The following AP3S1 variants were observed in gnomAD, a reference collection of about 807,000 sequenced individuals.
The protein encoded by AP3S1 is AP-3 complex subunit sigma-1.
Under a neutral mutation model 21.3 loss-of-function variants are expected in AP3S1, and 12 were observed. That is an observed-to-expected ratio of 0.56 (90% CI 0.36 to 0.91). The LOEUF is 0.91. Among genes scored for constraint, AP3S1 ranks in the 40% least tolerant of loss-of-function variants. AP3S1 has a pLI of 0.01. For missense variants in AP3S1, 116 were observed against 225.0 expected (o/e 0.52, Z 3.10); for synonymous variants, 48 against 78.4 (o/e 0.61, Z 2.05).
At chr5:115,873,410 C>T (rs950652335) in intron 3 of AP3S1, among the ~76,000 whole-genome samples, 8 of 152,094 alleles carry the variant, frequency 5.3e-5, no homozygotes, top group Non-Finnish European at 7.4e-5. Flanking sequence ...TGTCATTTTC[C>T]GATTACTAAA....
intron 1 of AP3S1, among the ~76,000 whole-genome samples, chr5:115,847,119 G>T (rs1024084615): frequency 6.6e-6 from 1 of 152,062 alleles, no homozygotes; most frequent in African/African-American, 2.4e-5. Context: ...TGCAGTCCTG[G>T]ACTGTGTCTT....
intron 3 of AP3S1, among the ~76,000 whole-genome samples, chr5:115,879,922 G>T (rs1749122002): frequency 6.6e-6 from 1 of 152,094 alleles, no homozygotes. Context: ...CTTCTTCCTG[G>T]TTTAAGTCTT....
intron 3 of AP3S1, among the ~76,000 whole-genome samples, chr5:115,891,024 A>G (rs1561513472): frequency 6.6e-6 from 1 of 152,192 alleles, no homozygotes; most frequent in Non-Finnish European, 1.5e-5. Context: ...TCCTCATAAC[A>G]GGAGTCTGTT....
intron 3 of AP3S1, among the ~76,000 whole-genome samples, chr5:115,885,802 T>C (rs886998876): frequency 6.6e-6 from 1 of 152,254 alleles, no homozygotes; most frequent in African/African-American, 2.4e-5. Context: ...TCATTTGATT[T>C]AGGTGGATGA....
intron 5 of AP3S1, 114 bp downstream of exon 5, chr5:115,903,106 T>G: frequency 2.7e-6 from 2 of 750,380 alleles, no homozygotes; most frequent in African/African-American, 1.8e-5. Context: ...TCAGCCGTTA[T>G]GCTTATTCAG....
At position 115,863,924 on chromosome 5, in the gene AP3S1, G is replaced by A. The variant is rs552988456; in HGVS notation, c.70-2746G>A. On this transcript the variant is annotated intron_variant, in intron 1 of 5. Coordinates refer to ENST00000316788, the MANE Select transcript of AP3S1 (RefSeq NM_001284.4). ...CAAGAGGTAGCAGACGAGTTCCCAG[G>A]CACCATTAAGAAAACCATTGCAGAG... 7.2e-5 allele frequency among the ~76,000 whole-genome samples: 11 copies of A among 152,248 alleles called. No individual in the cohort carries two copies. In the South Asian group the frequency reaches 2.3e-3, roughly 32 times the overall value.
chr5:115,887,554 A>G (rs1749907021), intron 3 of AP3S1, among the ~76,000 whole-genome samples: 1 of 151,448 alleles, frequency 6.6e-6, no homozygotes, highest in Non-Finnish European at 1.5e-5. Flanking sequence ...GTACATTTTT[A>G]TTTCTCCGTG....
chr5:115,887,900 A>G (rs942636145), intron 3 of AP3S1, among the ~76,000 whole-genome samples: 1 of 152,162 alleles, frequency 6.6e-6, no homozygotes, highest in Non-Finnish European at 1.5e-5. Context: ...AGAAAACACA[A>G]GCATGTTTTA....
intron 5 of AP3S1, chr5:115,903,280 T>C: frequency 5.4e-6 from 1 of 184,240 alleles, no homozygotes; most frequent in Non-Finnish European, 1.1e-5. Context: ...TAATGGAATC[T>C]AATATTTGCT....
At chr5:115,865,569 T>A (rs1763548366) in intron 1 of AP3S1, among the ~76,000 whole-genome samples, 1 of 152,200 alleles carries the variant, frequency 6.6e-6, no homozygotes. Flanking sequence ...ACTGGTGAGA[T>A]GAGAGTTTCT....
chr5:115,842,342 G>T (rs1761652230), intron 1 of AP3S1: 1 of 506,932 alleles, frequency 2.0e-6, no homozygotes, highest in Non-Finnish European at 3.3e-6. Flanking sequence ...GCCCGTCGGT[G>T]GGCTGCATGC....
At chr5:115,846,094 A>G (rs1283606874) in intron 1 of AP3S1, among the ~76,000 whole-genome samples, 1 of 152,142 alleles carries the variant, frequency 6.6e-6, no homozygotes, top group Admixed American at 6.5e-5. Flanking sequence ...TAAACTAAAT[A>G]TATTTTTACA....
At chr5:115,907,078 C>G in intron 5 of AP3S1, 1 of 842,392 alleles carries the variant, frequency 1.2e-6, no homozygotes, top group Non-Finnish European at 1.4e-6. Flanking sequence ...CATGTTTGTT[C>G]TGTTTTGTCT....
chr5:115,856,989 C>T (rs61381571), intron 1 of AP3S1, among the ~76,000 whole-genome samples: 17,660 of 152,108 alleles, frequency 0.12, 1,654 homozygotes, highest in East Asian at 0.33. Context: ...CACCACCAGC[C>T]GCTGGTAACC....
intron 3 of AP3S1, among the ~76,000 whole-genome samples, chr5:115,889,412 A>G (rs1017108797): frequency 4.6e-5 from 7 of 152,200 alleles, no homozygotes; most frequent in African/African-American, 1.7e-4. Context: ...ATTTCAGATA[A>G]ATTTGGTCCA....
Position 115,870,381 on chromosome 5 carries a change from G to A in AP3S1, c.273+253G>A, listed in dbSNP as rs116519935. ...AGTTACAGCAAGGAGCTTAAGACTC[G>A]TGGGTTTCTTAACACATGTATCCAA... On this transcript the variant is annotated intron_variant, in intron 3 of 5. Coordinates refer to ENST00000316788, the MANE Select transcript of AP3S1 (RefSeq NM_001284.4). Among the ~76,000 whole-genome samples, 968 of 152,164 alleles carry A rather than the reference G, an allele frequency of 6.4e-3. 10 individuals are homozygous for A. Among genetic ancestry groups the A allele is most frequent in the African/African-American group, 0.022 (915 of 41,508 alleles).
intron 3 of AP3S1, among the ~76,000 whole-genome samples, chr5:115,884,347 C>T (rs760953217): frequency 3.8e-4 from 58 of 152,198 alleles, no homozygotes; most frequent in Non-Finnish European, 8.8e-5. Flanking sequence ...AGGTGGATCA[C>T]GAGGTCAGAA....
chr5:115,895,402 T>C (rs1426151016), intron 4 of AP3S1, among the ~76,000 whole-genome samples: 1 of 152,276 alleles, frequency 6.6e-6, no homozygotes, highest in South Asian at 2.1e-4. Flanking sequence ...ATGTGTAGCA[T>C]GTTAATGGGG....
chr5:115,913,110 G>A (rs1244412799), intron 5 of AP3S1, among the ~76,000 whole-genome samples: 1 of 152,108 alleles, frequency 6.6e-6, no homozygotes, highest in African/African-American at 2.4e-5. Flanking sequence ...GTGTGGTAGT[G>A]CACATTAATT....
Sources: gnomAD v4.1 joint callset for allele counts (sites outside exome capture counted in the v4.1 genomes callset) on GRCh38, gnomAD v4.1.1 for gene constraint, MANE v1.5 for transcripts, NCBI Gene and HGNC (gene_info 2026-07-23, HGNC 2026-07-21) for gene names.